Variants in NALF1 observed in about 807,000 individuals in gnomAD.
NALF1 encodes family with sequence similarity 155 member A.
NALF1 carries 3 observed loss-of-function variants against 48.4 expected under a neutral mutation model. The observed-to-expected ratio is 0.06, with a 90% CI of 0.03 to 0.16. The LOEUF is 0.16. Among genes scored for constraint, NALF1 ranks in the 10% least tolerant of loss-of-function variants. NALF1 has a pLI of 1.00. For synonymous variants in NALF1, 262 were observed against 245.7 expected (o/e 1.07, Z -0.62); for missense variants, 526 against 571.5 (o/e 0.92, Z 0.81).
chr13:107,311,471 G>T, intron 1 of NALF1, among the ~76,000 whole-genome samples: 1 of 151,716 alleles, frequency 6.6e-6, no homozygotes. Flanking sequence ...GAGGTTTACT[G>T]GCTTAGATGT....
At position 107,732,127 on chromosome 13, in the gene NALF1, G is replaced by T. The variant is rs1384609081; in HGVS notation, c.915+133555C>A. Among the ~76,000 whole-genome samples, 3 of 151,982 alleles carry T rather than the reference G, an allele frequency of 2.0e-5. No homozygotes were observed. In the East Asian group the frequency reaches 5.8e-4, roughly 29 times the overall value. On this transcript the variant is annotated intron_variant, in intron 1 of 2. Coordinates refer to ENST00000375915, the MANE Select transcript of NALF1 (RefSeq NM_001080396.3). The stretch of plus-strand genomic sequence containing the variant: ...TATCAGCCCCCTGGGCAGCAGCTTT[G>T]CTTATTCTTTTTCATGAAGTTTCTC...
In NALF1 at chr13:107,170,460, C is replaced by A. The variant is rs753613053; in HGVS notation, c.*37G>T. Reference sequence around the variant, plus strand: ...AGACAGCAGTTGCCATTTTTCACGGCGGGCCAGCTGCTGCTGTGGTGACAC... The same window carrying A: ...AGACAGCAGTTGCCATTTTTCACGGAGGGCCAGCTGCTGCTGTGGTGACAC... On this transcript the variant is annotated 3_prime_UTR_variant, in exon 3 of 3. Coordinates refer to ENST00000375915, the MANE Select transcript of NALF1 (RefSeq NM_001080396.3). The A allele has an allele frequency of 2.6e-6, 4 of 1,545,016 alleles. No homozygotes were observed. The highest frequency in any genetic ancestry group is 2.7e-5 in the African/African-American group (2 of 74,084).
rs1464584276 is a variant in NALF1, at chr13:107,808,780, T to C, written c.915+56902A>G. Among the ~76,000 whole-genome samples the C allele has an allele frequency of 2.6e-5, 4 of 152,098 alleles. No homozygotes were observed. In the East Asian group the frequency reaches 5.8e-4, roughly 22 times the overall value. On this transcript the variant is annotated intron_variant, in intron 1 of 2. Transcript: ENST00000375915. The stretch of plus-strand genomic sequence containing the variant: ...TTACTTCCCGATATCTCACAAAATG[T>C]ATCTCCCTGCCTCAGATCATAATAT...
chr13:107,820,647 T>C (rs780578521), intron 1 of NALF1, among the ~76,000 whole-genome samples: 32 of 152,228 alleles, frequency 2.1e-4, no homozygotes, highest in Non-Finnish European at 4.1e-4. Context: ...TCTTATCTGC[T>C]ATGTAAATCT....
rs1255774197 is a variant in NALF1, at chr13:107,866,710, TTCTCTCTCC to T, written c.-123_-115del. ...TTTCCTTATCCCCTCCTCCCGTTTC[TTCTCTCTCC>T]TCTCTCTCTTTCTCTCTCTTCCCCT... is the stretch of plus-strand genomic sequence containing the variant. On this transcript the variant is annotated 5_prime_UTR_variant, in exon 1 of 3. Coordinates refer to ENST00000375915, the MANE Select transcript of NALF1 (RefSeq NM_001080396.3). This position sits in a 1 kb window ranked among gnomAD's most constrained non-coding sequence, Gnocchi z 4.4. 2 of 786,604 alleles carry T rather than the reference TTCTCTCTCC, an allele frequency of 2.5e-6. No individual in the cohort carries two copies. Among genetic ancestry groups the T allele is most frequent in the East Asian group, 5.2e-5 (2 of 38,784 alleles). 48.7% of individuals were successfully genotyped at this position (786,604 alleles called of 1,614,324 possible). A position where few individuals can be genotyped will look rare whatever the true frequency, so the allele number is the denominator to read the frequency against.
chr13:107,556,776 T>C (rs1877496629), intron 1 of NALF1, among the ~76,000 whole-genome samples: 2 of 152,164 alleles, frequency 1.3e-5, no homozygotes, highest in South Asian at 2.1e-4. Context: ...TTATCTGTTT[T>C]ATTGTTCAAT....
intron 1 of NALF1, among the ~76,000 whole-genome samples, chr13:107,674,521 T>C (rs917797790): frequency 3.3e-5 from 5 of 152,194 alleles, no homozygotes; most frequent in African/African-American, 1.2e-4. Context: ...GAGATTGGCA[T>C]TTATTCATTA....
chr13:107,416,164 G>C (rs988342964), intron 1 of NALF1, among the ~76,000 whole-genome samples: 9 of 136,286 alleles, frequency 6.6e-5, no homozygotes, highest in African/African-American at 2.3e-4. Flanking sequence ...CCACCACCAT[G>C]CCCGGCTAAA....
At chr13:107,735,848 C>T (rs1457212375) in intron 1 of NALF1, among the ~76,000 whole-genome samples, 1 of 152,162 alleles carries the variant, frequency 6.6e-6, no homozygotes, top group Admixed American at 6.5e-5. Flanking sequence ...CAAATTACAT[C>T]ATCACAGCTA....
At chr13:107,804,406 T>C (rs1878711623) in intron 1 of NALF1, among the ~76,000 whole-genome samples, 1 of 86,100 alleles carries the variant, frequency 1.2e-5, no homozygotes, top group Admixed American at 1.1e-4. Context: ...TCAGAGGCCA[T>C]TTTTTTTTTT....
chr13:107,594,389 T>G (rs1378116646), intron 1 of NALF1, among the ~76,000 whole-genome samples: 3 of 152,046 alleles, frequency 2.0e-5, no homozygotes, highest in African/African-American at 7.2e-5. Flanking sequence ...GTCAATTAGT[T>G]TGCACAATCA....
At chr13:107,338,221 A>G (rs919338899) in intron 1 of NALF1, among the ~76,000 whole-genome samples, 5 of 152,218 alleles carry the variant, frequency 3.3e-5, no homozygotes, top group African/African-American at 1.2e-4. Context: ...AGCATTTTAC[A>G]TAGATTGTCT....
intron 1 of NALF1, among the ~76,000 whole-genome samples, chr13:107,640,926 T>G (rs1361182852): frequency 6.6e-6 from 1 of 152,180 alleles, no homozygotes; most frequent in Non-Finnish European, 1.5e-5. Flanking sequence ...GCAGTCTCAC[T>G]GCTTGGTATA....
At chr13:107,504,632 GC>G (rs1217927875) in intron 1 of NALF1, among the ~76,000 whole-genome samples, 1 of 151,852 alleles carries the variant, frequency 6.6e-6, no homozygotes, top group East Asian at 1.9e-4. Context: ...GGTATCGAAG[GC>G]CCCCCTAAAT....
chr13:107,761,274 G>A (rs1044957955), intron 1 of NALF1, among the ~76,000 whole-genome samples: 1 of 151,864 alleles, frequency 6.6e-6, no homozygotes, highest in Non-Finnish European at 1.5e-5. Context: ...GAAGAATGGC[G>A]TGAACGCAGG....
intron 1 of NALF1, among the ~76,000 whole-genome samples, chr13:107,543,285 A>G (rs1271558276): frequency 6.6e-6 from 1 of 152,112 alleles, no homozygotes; most frequent in Admixed American, 6.6e-5. Context: ...ATAATATGTT[A>G]TGATTTCATT....
At chr13:107,775,740 TTGCCATTTAATGAA>T (rs1433451909) in intron 1 of NALF1, among the ~76,000 whole-genome samples, 43 of 152,328 alleles carry the variant, frequency 2.8e-4, no homozygotes, top group African/African-American at 9.1e-4. Context: ...TTTTTAATGA[TTGCCATTTAATGAA>T]TGCCATTTAA....
At chr13:107,360,252 G>A (rs1000522875) in intron 1 of NALF1, among the ~76,000 whole-genome samples, 4 of 152,108 alleles carry the variant, frequency 2.6e-5, no homozygotes, top group Non-Finnish European at 5.9e-5. Flanking sequence ...TGACTCAATA[G>A]CAAATTAGAG....
At chr13:107,773,645 C>T (rs543470401) in intron 1 of NALF1, among the ~76,000 whole-genome samples, 16 of 142,416 alleles carry the variant, frequency 1.1e-4, no homozygotes, top group Middle Eastern at 7.6e-3. Context: ...AATGAGTGTC[C>T]GCATGTTCTC....
Sources: allele counts gnomAD v4.1 joint callset (sites outside exome capture counted in the v4.1 genomes callset), GRCh38; gene constraint gnomAD v4.1.1; non-coding constraint Gnocchi (gnomAD v3.1); transcripts MANE v1.5; gene names NCBI Gene and HGNC (gene_info 2026-07-23, HGNC 2026-07-21).